Variants in LDB2 observed in about 807,000 individuals in gnomAD.
LDB2 encodes LIM domain-binding protein 2.
In LDB2, 12 loss-of-function variants were observed where a neutral mutation model predicts 44.3. The ratio of observed to expected loss-of-function variants is 0.27; its 90% CI spans 0.17 to 0.44. The LOEUF is 0.44. Among genes scored for constraint, LDB2 ranks in the 20% least tolerant of loss-of-function variants. The pLI is 1.00. For synonymous variants in LDB2, 164 were observed against 174.8 expected, an observed-to-expected ratio of 0.94 and a Z score of 0.49; for missense variants, 344 against 473.5, an observed-to-expected ratio of 0.73 and a Z score of 2.54.
intron 2 of LDB2, chr4:16,752,360 A>T: frequency 2.3e-6 from 1 of 442,796 alleles, no homozygotes; most frequent in East Asian, 7.1e-5. Context: ...CCTCTGTTGG[A>T]CAGATGTGGT....
At position 16,520,654 on chromosome 4, in the gene LDB2, C is replaced by T. The variant is rs141059567; in HGVS notation, c.616-8550G>A. Among the ~76,000 whole-genome samples, 16 of 152,234 alleles carry T rather than the reference C, an allele frequency of 1.1e-4. No individual in the cohort carries two copies. In the East Asian group the frequency reaches 2.1e-3, roughly 20 times the overall value. ...TCCGTTCTCAGGCAGAGGAGAGTGG[C>T]GGCAGCTGTCACTCCAGTCTTGAAG... is the stretch of plus-strand genomic sequence containing the variant. On this transcript the variant is annotated intron_variant, in intron 5 of 7. Transcript: ENST00000304523.
intron 2 of LDB2, among the ~76,000 whole-genome samples, chr4:16,688,650 G>A (rs949080800): frequency 2.0e-5 from 3 of 152,148 alleles, no homozygotes; most frequent in Non-Finnish European, 2.9e-5. Flanking sequence ...CTAGTTTGGA[G>A]CTTTTTCAAT....
At chr4:16,735,604 C>G (rs1761737659) in intron 2 of LDB2, among the ~76,000 whole-genome samples, 1 of 151,302 alleles carries the variant, frequency 6.6e-6, no homozygotes, top group Non-Finnish European at 1.5e-5. Flanking sequence ...AGGAGAGAAA[C>G]CTGGCAAACA....
At chr4:16,709,610 T>C (rs1755413413) in intron 2 of LDB2, among the ~76,000 whole-genome samples, 1 of 152,232 alleles carries the variant, frequency 6.6e-6, no homozygotes, top group African/African-American at 2.4e-5. Flanking sequence ...AAAGGATGGC[T>C]TGCAAAAGTG....
At chr4:16,703,273 AGCAGAGTCATGAAG>A (rs541173850) in intron 2 of LDB2, among the ~76,000 whole-genome samples, 1 of 152,342 alleles carries the variant, frequency 6.6e-6, no homozygotes, top group South Asian at 2.1e-4. Context: ...CTAATATTTA[AGCAGAGTCATGAAG>A]GCAGAGAAGA....
At chr4:16,634,716 C>G (rs1173907895) in intron 2 of LDB2, among the ~76,000 whole-genome samples, 2 of 152,064 alleles carry the variant, frequency 1.3e-5, no homozygotes, top group Admixed American at 6.5e-5. Context: ...GTTCAACCAT[C>G]GTGGAAGACA....
chr4:16,588,933 G>A, intron 3 of LDB2, 101 bp from the exon 4 acceptor site: 1 of 1,238,552 alleles, frequency 8.1e-7, no homozygotes, highest in East Asian at 2.3e-5. Flanking sequence ...TCTGTCCTTG[G>A]GCAGTGCTAG....
chr4:16,811,174 A>T lies in LDB2; in HGVS notation c.133-51914T>A, dbSNP rs75954716. On this transcript the variant is annotated intron_variant, in intron 1 of 7. Coordinates refer to ENST00000304523, the MANE Select transcript of LDB2 (RefSeq NM_001290.5). ...TTTGTTAAAAGGATTAAGTGAACTG[A>T]TTCATGGGATGTGCTTTGCACACTG... is the stretch of plus-strand genomic sequence containing the variant. Among the ~76,000 whole-genome samples the T allele has an allele frequency of 2.5e-3, 381 of 152,306 alleles. 14 individuals are homozygous for T. In the East Asian group the frequency reaches 0.065, roughly 26 times the overall value.
At chr4:16,755,521 G>A (rs76419496) in intron 2 of LDB2, among the ~76,000 whole-genome samples, 8 of 51,208 alleles carry the variant, frequency 1.6e-4, no homozygotes, top group African/African-American at 4.9e-4. Context: ...GTGTGTGTGT[G>A]TGTATGTGAG....
In LDB2 at chr4:16,810,926, G is replaced by A. The variant is rs560132544; in HGVS notation, c.133-51666C>T. ...CCAACATTTTTGGCACCAGGGACAGGTTTTGTGGAAGACAATTTTTCCACA... is the reference window on the plus strand; with the variant it reads ...CCAACATTTTTGGCACCAGGGACAGATTTTGTGGAAGACAATTTTTCCACA... On this transcript the variant is annotated intron_variant, in intron 1 of 7. Coordinates refer to ENST00000304523, the MANE Select transcript of LDB2 (RefSeq NM_001290.5). Among the ~76,000 whole-genome samples the A allele has an allele frequency of 3.3e-5, 5 of 152,330 alleles. No individual in the cohort carries two copies. The South Asian group carries it at 6.2e-4, about 19-fold the overall frequency.
chr4:16,756,670 A>G (rs1766724765), intron 2 of LDB2, among the ~76,000 whole-genome samples: 2 of 152,174 alleles, frequency 1.3e-5, no homozygotes, highest in Non-Finnish European at 2.9e-5. Flanking sequence ...TGAGCTACCT[A>G]TTATGTATGA....
chr4:16,845,264 A>T (rs1454394026), intron 1 of LDB2, among the ~76,000 whole-genome samples: 1 of 152,162 alleles, frequency 6.6e-6, no homozygotes, highest in East Asian at 1.9e-4. Flanking sequence ...CTCCTTATTA[A>T]AGAGCCGTTT....
chr4:16,676,431 C>G (rs920748788), intron 2 of LDB2, among the ~76,000 whole-genome samples: 3 of 152,182 alleles, frequency 2.0e-5, no homozygotes, highest in Non-Finnish European at 4.4e-5. Context: ...GGGGAAGCCC[C>G]TTCGCCAAGA....
chr4:16,789,642 C>T, intron 1 of LDB2, among the ~76,000 whole-genome samples: 1 of 152,144 alleles, frequency 6.6e-6, no homozygotes, highest in Non-Finnish European at 1.5e-5. Context: ...TCTTAAAACC[C>T]TATATGGCCA....
chr4:16,807,449 G>A (rs1778998766), intron 1 of LDB2, among the ~76,000 whole-genome samples: 1 of 152,164 alleles, frequency 6.6e-6, no homozygotes, highest in Admixed American at 6.5e-5. Context: ...TGTGTTTTCT[G>A]TAAGGCTGTG....
Position 16,685,373 on chromosome 4 carries a change from T to C in LDB2, c.235+73785A>G, listed in dbSNP as rs573336848. ...TCAGATACCTTTTACATCTCTCAAG[T>C]TTTTTTTGTTTTGTTTTGTTTTTTG... is the stretch of plus-strand genomic sequence containing the variant. On this transcript the variant is annotated intron_variant, in intron 2 of 7. Transcript: ENST00000304523. Among the ~76,000 whole-genome samples the C allele has an allele frequency of 3.3e-5, 5 of 152,104 alleles. No individual in the cohort carries two copies. The South Asian group carries it at 1.0e-3, about 32-fold the overall frequency.
At chr4:16,750,378 C>T (rs1176441060) in intron 2 of LDB2, among the ~76,000 whole-genome samples, 1 of 152,200 alleles carries the variant, frequency 6.6e-6, no homozygotes, top group African/African-American at 2.4e-5. Context: ...AACACCTGCC[C>T]AGATGCCTGG....
At chr4:16,784,910 T>C (rs1483977984) in intron 1 of LDB2, among the ~76,000 whole-genome samples, 1 of 152,084 alleles carries the variant, frequency 6.6e-6, no homozygotes, top group East Asian at 1.9e-4. Context: ...GTGTAGACTG[T>C]CGACACCCCT....
At chr4:16,694,272 A>G (rs567573413) in intron 2 of LDB2, among the ~76,000 whole-genome samples, 100 of 152,312 alleles carry the variant, frequency 6.6e-4, no homozygotes, top group Admixed American at 3.7e-3. Context: ...ACACGTTGCC[A>G]TATTTACTTG....
Sources: allele counts gnomAD v4.1 joint callset (sites outside exome capture counted in the v4.1 genomes callset), GRCh38; gene constraint gnomAD v4.1.1; transcripts MANE v1.5; gene names NCBI Gene and HGNC (gene_info 2026-07-23, HGNC 2026-07-21).